Variants in MOGAT1 observed in about 807,000 individuals in gnomAD.
MOGAT1 encodes the protein monoacylglycerol O-acyltransferase 1, also known as 2-acylglycerol O-acyltransferase 1.
A neutral mutation model predicts 31.4 loss-of-function variants in MOGAT1; 32 were observed. The ratio of observed to expected loss-of-function variants is 1.02; its 90% confidence interval spans 0.77 to 1.37. The LOEUF (loss-of-function observed/expected upper bound fraction) is 1.37, where lower values mean the gene tolerates loss of function less well. MOGAT1 is among the 40% of genes most tolerant of loss of function. The pLI is 0.00. For missense variants in MOGAT1, 426 were observed against 402.0 expected (o/e 1.06, Z -0.51); for synonymous variants, 145 against 144.5 (o/e 1.00, Z -0.03).
At chr2:222,702,538 CGTGCACAA>C (rs556699969) in intron 5 of MOGAT1, among the ~76,000 whole-genome samples, 106 of 152,090 alleles carry the variant, frequency 7.0e-4, no homozygotes, top group African/African-American at 2.4e-3. Flanking sequence ...CGTGTGCACA[CGTGCACAA>C]AATGCTAGAA....
At chr2:222,677,625 G>A in intron 1 of MOGAT1, 1 of 302,308 alleles carries the variant, frequency 3.3e-6, no homozygotes. Context: ...GAGAGAAAAA[G>A]AAGATGAGGG....
chr2:222,700,636 G>A (rs1414764478), intron 5 of MOGAT1, among the ~76,000 whole-genome samples: 1 of 152,056 alleles, frequency 6.6e-6, no homozygotes, highest in Non-Finnish European at 1.5e-5. Flanking sequence ...AGAGCATCTC[G>A]ATTTGTGTGA....
intron 1 of MOGAT1, among the ~76,000 whole-genome samples, chr2:222,684,910 A>G (rs997391520): frequency 3.1e-4 from 47 of 152,180 alleles, no homozygotes; most frequent in African/African-American, 1.1e-3. Context: ...GAAGTAAATC[A>G]AAATGTGGGC....
At chr2:222,690,824 C>T (rs879768892) in intron 3 of MOGAT1, among the ~76,000 whole-genome samples, 1 of 152,158 alleles carries the variant, frequency 6.6e-6, no homozygotes, top group Admixed American at 6.5e-5. Context: ...TCTTAACCAC[C>T]GAAAGTGGGG....
chr2:222,674,036 CTACCCGT>C (rs2106029601), intron 1 of MOGAT1, among the ~76,000 whole-genome samples: 1 of 152,304 alleles, frequency 6.6e-6, no homozygotes, highest in African/African-American at 2.4e-5. Context: ...TGAGGGAGGA[CTACCCGT>C]TACCCTCATT....
At chr2:222,700,856 T>C (rs1692907866) in intron 5 of MOGAT1, among the ~76,000 whole-genome samples, 1 of 152,212 alleles carries the variant, frequency 6.6e-6, no homozygotes, top group Admixed American at 6.5e-5. Flanking sequence ...TGTGGCTTCA[T>C]TGCTGACTCC....
chr2:222,695,162 T>C lies in MOGAT1; in HGVS notation c.727T>C (p.Trp243Arg), dbSNP rs1027551214. 6.2e-7 allele frequency: 1 copy of C among 1,613,274 alleles called. No individual in the cohort carries two copies. The highest frequency in any genetic ancestry group is 1.1e-5 in the South Asian group (1 of 90,972). Residue 243 changes from tryptophan (W) to arginine (R), a missense_variant, in exon 5 of 6, where the codon TGG becomes CGG. By Grantham distance (101) the Trp-to-Arg change is moderately radical. Coordinates refer to ENST00000446656, the MANE Select transcript of MOGAT1 (RefSeq NM_058165.3). ...ACAAACTGACAACCCTGAAGGATCA[T>C]GGATTAGAACTGTTCAGAATAAACT... ...FKQTDNPEGSWIRTVQNKLQK... is the reference protein window; with the variant it reads ...FKQTDNPEGSRIRTVQNKLQK...
At chr2:222,707,739 T>TA (rs1231507636) in intron 5 of MOGAT1, among the ~76,000 whole-genome samples, 1 of 152,256 alleles carries the variant, frequency 6.6e-6, no homozygotes, top group Non-Finnish European at 1.5e-5. Context: ...TATGTGTGGT[T>TA]AAATTCTTAG....
At chr2:222,693,256 A>G (rs546038399) in intron 3 of MOGAT1, among the ~76,000 whole-genome samples, 3 of 152,274 alleles carry the variant, frequency 2.0e-5, no homozygotes, top group African/African-American at 4.8e-5. Context: ...TCTTTCCTAT[A>G]TTTTCCTCCA....
In MOGAT1 at chr2:222,689,317, A is replaced by G. The variant is rs1267810241; in HGVS notation, c.326A>G (p.His109Arg). Residue 109 changes from histidine to arginine, a missense_variant, in exon 3 of 6, where the codon CAC becomes CGC. By Grantham distance (29) the His-to-Arg change is conservative. Transcript: ENST00000446656. ...DPSHNYIFGFHPHGIMAVGAF... is the reference protein window; with the variant it reads ...DPSHNYIFGFRPHGIMAVGAF... ...AGTCACAACTATATATTTGGGTTTC[A>G]CCCCCATGGAATAATGGCAGTTGGA... The G allele has an allele frequency of 1.2e-6, 2 of 1,613,878 alleles. No homozygotes were observed. The highest frequency in any genetic ancestry group is 1.7e-6 in the Non-Finnish European group (2 of 1,179,874).
At chr2:222,673,883 C>A (rs75008177) in intron 1 of MOGAT1, among the ~76,000 whole-genome samples, 21 of 152,124 alleles carry the variant, frequency 1.4e-4, no homozygotes, top group Admixed American at 1.4e-3. Flanking sequence ...AAGATATACA[C>A]GAATACTTGA....
rs79086093 is a variant in MOGAT1, at chr2:222,695,700, T to C, written c.853+412T>C. ...CAGTTCACATAAGCATCAGTTTCTATAGCAAAAGCTTTTTTTTTGCAGCTA... is the reference window on the plus strand; with the variant it reads ...CAGTTCACATAAGCATCAGTTTCTACAGCAAAAGCTTTTTTTTTGCAGCTA... On this transcript the variant is annotated intron_variant, in intron 5 of 5. Coordinates refer to ENST00000446656, the MANE Select transcript of MOGAT1 (RefSeq NM_058165.3). Among the ~76,000 whole-genome samples the C allele has an allele frequency of 3.8e-3, 585 of 152,248 alleles. 4 individuals carry two copies. Among genetic ancestry groups the C allele is most frequent in the African/African-American group, 0.013 (553 of 41,492 alleles).
At chr2:222,700,653 C>A (rs1692905853) in intron 5 of MOGAT1, among the ~76,000 whole-genome samples, 1 of 152,092 alleles carries the variant, frequency 6.6e-6, no homozygotes, top group Non-Finnish European at 1.5e-5. Flanking sequence ...GTGAACTAGA[C>A]CCTCAAGACT....
intron 1 of MOGAT1, among the ~76,000 whole-genome samples, chr2:222,672,828 A>G (rs1482330087): frequency 6.6e-6 from 1 of 151,646 alleles, no homozygotes; most frequent in Non-Finnish European, 1.5e-5. Context: ...CTGGCTCTAG[A>G]TGAGAATCAC....
Position 222,688,337 on chromosome 2 carries a change from CT to C in MOGAT1, c.95-5del, listed in dbSNP as rs1692707106. On this transcript the variant is annotated splice_polypyrimidine_tract_variant and splice_region_variant and intron_variant, in intron 1 of 5. Coordinates refer to ENST00000446656, the MANE Select transcript of MOGAT1 (RefSeq NM_058165.3). ...CTGATTCCATGAGACTTTTTCTTTT[CT>C]TACAGGGCCGATGTCCATTGGAATC... The C allele has an allele frequency of 1.9e-6, 3 of 1,595,494 alleles. 1 individual carries two copies. The highest frequency in any genetic ancestry group is 3.6e-5 in the Admixed American group (2 of 56,336).
intron 1 of MOGAT1, among the ~76,000 whole-genome samples, chr2:222,677,455 T>A (rs561080288): frequency 6.6e-6 from 1 of 152,238 alleles, no homozygotes; most frequent in South Asian, 2.1e-4. Context: ...TTTAATGAAA[T>A]CAGAAATTTT....
At chr2:222,679,104 T>C (rs1262988721) in intron 1 of MOGAT1, among the ~76,000 whole-genome samples, 1 of 152,208 alleles carries the variant, frequency 6.6e-6, no homozygotes, top group Non-Finnish European at 1.5e-5. Flanking sequence ...TTTCTGCATA[T>C]ATATAATCCA....
intron 1 of MOGAT1, among the ~76,000 whole-genome samples, chr2:222,673,972 T>C (rs1305725231): frequency 1.3e-5 from 2 of 152,248 alleles, no homozygotes; most frequent in Non-Finnish European, 2.9e-5. Flanking sequence ...ATAGGAATTA[T>C]GCACCCACCA....
chr2:222,702,235 G>A (rs943855346), intron 5 of MOGAT1, among the ~76,000 whole-genome samples: 1 of 152,180 alleles, frequency 6.6e-6, no homozygotes, highest in African/African-American at 2.4e-5. Flanking sequence ...GAGGGAGGGG[G>A]TCCTCAGAGA....
Sources: gnomAD v4.1 joint callset for allele counts (sites outside exome capture counted in the v4.1 genomes callset) on GRCh38, gnomAD v4.1.1 for gene constraint, MANE v1.5 for transcripts, NCBI Gene and HGNC (gene_info 2026-07-23, HGNC 2026-07-21) for gene names.